The following FGF12 variants were observed in gnomAD, a reference collection of about 807,000 sequenced individuals.
The protein encoded by FGF12 is fibroblast growth factor 12.
FGF12 carries 14 observed loss-of-function variants against 23.6 expected under a neutral mutation model. The observed-to-expected ratio is 0.59, with a 90% CI of 0.39 to 0.93. The LOEUF is 0.93. Ranked by LOEUF, FGF12 falls within the 40% of genes least tolerant of loss-of-function variation. FGF12 has a pLI of 0.00. For synonymous variants in FGF12, 62 were observed against 77.3 expected (o/e 0.80, Z 1.04); for missense variants, 175 against 217.8 (o/e 0.80, Z 1.24).
At position 192,376,097 on chromosome 3, in the gene FGF12, A is replaced by T. The variant is rs190708362; in HGVS notation, c.14-15559T>A. Among the ~76,000 whole-genome samples the T allele has an allele frequency of 8.1e-4, 123 of 152,068 alleles. 1 individual carries two copies. The highest frequency in any genetic ancestry group is 2.8e-3 in the African/African-American group (118 of 41,526). ...TCTCTTTGATTATAGATGATCTGAC[A>T]TTGTATCTTTTCTTCTTTCCCAGGA... is the stretch of plus-strand genomic sequence containing the variant. On this transcript the variant is annotated intron_variant, in intron 2 of 5. Coordinates refer to ENST00000445105, the MANE Select transcript of FGF12 (RefSeq NM_004113.6).
chr3:192,170,928 C>T (rs888759519), intron 4 of FGF12, among the ~76,000 whole-genome samples: 45 of 152,172 alleles, frequency 3.0e-4, no homozygotes, highest in Non-Finnish European at 4.9e-4. Flanking sequence ...GCCAAGTCTG[C>T]GCTCCGATCC....
chr3:192,408,995 G>C lies in FGF12; in HGVS notation c.14-48457C>G, dbSNP rs1408789839. On this transcript the variant is annotated intron_variant, in intron 2 of 5. Transcript: ENST00000445105. This position sits in a 1 kb window ranked among gnomAD's most constrained non-coding sequence, Gnocchi z 7.3. ...TACCCGGAGTCTGGGTAGGGGCGCG[G>C]GGCGGGGGCAGCTGTTTCCAGCTGC... is the stretch of plus-strand genomic sequence containing the variant. The C allele has an allele frequency of 1.1e-5, 11 of 984,748 alleles. No individual in the cohort carries two copies. The highest frequency in any genetic ancestry group is 1.3e-5 in the Non-Finnish European group (11 of 829,718). 61.0% of individuals were successfully genotyped at this position (984,748 alleles called of 1,614,324 possible).
At chr3:192,581,188 G>T (rs1163836537) in intron 2 of FGF12, among the ~76,000 whole-genome samples, 2 of 151,808 alleles carry the variant, frequency 1.3e-5, no homozygotes, top group African/African-American at 4.8e-5. Context: ...TCAATGATGT[G>T]GGCCAATAAA....
intron 4 of FGF12, among the ~76,000 whole-genome samples, chr3:192,190,569 G>A (rs937744087): frequency 6.5e-5 from 9 of 138,232 alleles, no homozygotes; most frequent in South Asian, 2.4e-4. Flanking sequence ...TCCGCCTCCC[G>A]GGTTCACGCC....
intron 4 of FGF12, among the ~76,000 whole-genome samples, chr3:192,182,738 G>T (rs149044264): frequency 1.3e-5 from 2 of 152,104 alleles, no homozygotes; most frequent in East Asian, 3.8e-4. Context: ...TCATGACTCA[G>T]ATCAATCCCA....
chr3:192,296,994 G>A (rs1010431678), intron 4 of FGF12, among the ~76,000 whole-genome samples: 4 of 152,214 alleles, frequency 2.6e-5, no homozygotes, highest in Admixed American at 6.5e-5. Context: ...AATGAGAACC[G>A]AAATTCTTCT....
chr3:192,607,686 A>T (rs56898825), intron 2 of FGF12, among the ~76,000 whole-genome samples: 21,157 of 151,982 alleles, frequency 0.14, 2,163 homozygotes, highest in East Asian at 0.45. Context: ...CTGATGTATG[A>T]TTCATTAATT....
At chr3:192,270,999 G>A (rs1350419836) in intron 4 of FGF12, among the ~76,000 whole-genome samples, 3 of 152,102 alleles carry the variant, frequency 2.0e-5, no homozygotes, top group African/African-American at 7.2e-5. Flanking sequence ...ATATTGGCAG[G>A]CAGCCTCATT....
intron 2 of FGF12, among the ~76,000 whole-genome samples, chr3:192,665,694 G>A (rs1191284728): frequency 3.9e-5 from 6 of 152,048 alleles, no homozygotes; most frequent in Non-Finnish European, 7.4e-5. Flanking sequence ...GATAGGTACA[G>A]CAAACAACCA....
At chr3:192,241,052 G>A (rs1019273578) in intron 4 of FGF12, among the ~76,000 whole-genome samples, 7 of 152,082 alleles carry the variant, frequency 4.6e-5, no homozygotes, top group African/African-American at 1.7e-4. Context: ...TATAATCCAA[G>A]TCTTTAATAT....
chr3:192,358,696 T>C (rs150849639), intron 3 of FGF12, among the ~76,000 whole-genome samples: 3 of 152,318 alleles, frequency 2.0e-5, no homozygotes, highest in Non-Finnish European at 4.4e-5. Context: ...TACCCTTCTG[T>C]CTCTGCCCCA....
intron 4 of FGF12, among the ~76,000 whole-genome samples, chr3:192,178,561 C>T (rs1180064589): frequency 1.3e-5 from 2 of 152,050 alleles, no homozygotes; most frequent in African/African-American, 2.4e-5. Flanking sequence ...TGCAGTGGCA[C>T]GATCTCGGCT....
intron 2 of FGF12, among the ~76,000 whole-genome samples, chr3:192,508,877 T>G (rs996705743): frequency 7.9e-5 from 12 of 152,208 alleles, no homozygotes; most frequent in African/African-American, 2.9e-4. Flanking sequence ...TATTCCTTCC[T>G]TGAGGTGACT....
chr3:192,611,106 A>G (rs1291271182), intron 2 of FGF12, among the ~76,000 whole-genome samples: 1 of 152,034 alleles, frequency 6.6e-6, no homozygotes, highest in Non-Finnish European at 1.5e-5. Context: ...TGTTCATTAC[A>G]TATTAATCAC....
chr3:192,474,253 CT>C (rs930410555), intron 2 of FGF12, among the ~76,000 whole-genome samples: 1 of 152,146 alleles, frequency 6.6e-6, no homozygotes, highest in Non-Finnish European at 1.5e-5. Flanking sequence ...ATTAGTTCTC[CT>C]TTGTGTATTG....
chr3:192,394,652 C>G lies in FGF12; in HGVS notation c.14-34114G>C, dbSNP rs188086421. On this transcript the variant is annotated intron_variant, in intron 2 of 5. Coordinates refer to ENST00000445105, the MANE Select transcript of FGF12 (RefSeq NM_004113.6). ...AATGACTTCCCCAAGGTCACCAGGACTCTGACTCCTAGTCCAGTATTTTTT... is the reference window on the plus strand; with the variant it reads ...AATGACTTCCCCAAGGTCACCAGGAGTCTGACTCCTAGTCCAGTATTTTTT... 3.2e-4 allele frequency among the ~76,000 whole-genome samples: 48 copies of G among 152,306 alleles called. No homozygotes were observed. In the East Asian group the frequency reaches 9.1e-3, roughly 29 times the overall value.
At chr3:192,633,288 CGCCT>C (rs1435676600) in intron 2 of FGF12, among the ~76,000 whole-genome samples, 2 of 152,024 alleles carry the variant, frequency 1.3e-5, no homozygotes, top group Non-Finnish European at 2.9e-5. Context: ...TCAAGTGATC[CGCCT>C]GCCTCTGCCT....
chr3:192,620,254 GCA>G (rs1714924242), intron 2 of FGF12, among the ~76,000 whole-genome samples: 1 of 61,340 alleles, frequency 1.6e-5, no homozygotes, highest in Middle Eastern at 0.011. Context: ...GCGCGCGCGC[GCA>G]CGCACACACA....
rs140511059 is a variant in FGF12 at position 192,578,278 on chromosome 3, C to T, written c.13+148903G>A. Reference sequence around the variant, plus strand: ...TATTAACTAATTTAGTCTTCCTAAACTTCCCTGTCGATAGGTACTATTATT... The same window carrying T: ...TATTAACTAATTTAGTCTTCCTAAATTTCCCTGTCGATAGGTACTATTATT... On this transcript the variant is annotated intron_variant, in intron 2 of 5. Coordinates refer to ENST00000445105, the MANE Select transcript of FGF12 (RefSeq NM_004113.6). 4.3e-4 allele frequency among the ~76,000 whole-genome samples: 65 copies of T among 152,310 alleles called. No individual in the cohort carries two copies. The East Asian group carries it at 0.012, about 28-fold the overall frequency.
Sources: gnomAD v4.1 joint callset for allele counts (sites outside exome capture counted in the v4.1 genomes callset) on GRCh38, gnomAD v4.1.1 for gene constraint, Gnocchi (gnomAD v3.1) non-coding constraint, MANE v1.5 for transcripts, NCBI Gene and HGNC (gene_info 2026-07-23, HGNC 2026-07-21) for gene names.